Variants in MKLN1 observed in about 807,000 individuals in gnomAD.
MKLN1 encodes muskelin 1.
A neutral mutation model predicts 99.0 loss-of-function variants in MKLN1; 18 were observed. That is an observed-to-expected ratio of 0.18 (90% confidence interval 0.13 to 0.27). The LOEUF (loss-of-function observed/expected upper bound fraction) is 0.27. Ranked by LOEUF, MKLN1 falls within the 10% of genes least tolerant of loss-of-function variation. MKLN1 has a pLI of 1.00. For synonymous variants in MKLN1, 288 were observed against 293.2 expected (o/e 0.98, Z 0.18); for missense variants, 621 against 875.9 (o/e 0.71, Z 3.67).
chr7:131,211,294 C>G (rs1796902960), intron 3 of MKLN1, among the ~76,000 whole-genome samples: 1 of 152,134 alleles, frequency 6.6e-6, no homozygotes, highest in Non-Finnish European at 1.5e-5. Flanking sequence ...TATTTTCTTC[C>G]TAAATACTTT....
At chr7:131,172,007 A>G (rs1017102823) in intron 2 of MKLN1, among the ~76,000 whole-genome samples, 1 of 152,204 alleles carries the variant, frequency 6.6e-6, no homozygotes, top group African/African-American at 2.4e-5. Context: ...GGCCAGGTGG[A>G]GAAGAGCTGT....
At chr7:131,173,780 G>A (rs1412591446) in intron 2 of MKLN1, among the ~76,000 whole-genome samples, 1 of 151,836 alleles carries the variant, frequency 6.6e-6, no homozygotes, top group African/African-American at 2.4e-5. Context: ...GCTGCTCCAC[G>A]AGGAGCAGCT....
intron 2 of MKLN1, among the ~76,000 whole-genome samples, chr7:131,156,789 C>G (rs1478710025): frequency 6.6e-6 from 1 of 152,176 alleles, no homozygotes; most frequent in Non-Finnish European, 1.5e-5. Context: ...AGTTGAGGAG[C>G]ACCTGTACAC....
At chr7:131,147,664 C>T (rs1314437510) in intron 2 of MKLN1, among the ~76,000 whole-genome samples, 2 of 152,194 alleles carry the variant, frequency 1.3e-5, no homozygotes, top group Non-Finnish European at 2.9e-5. Flanking sequence ...GACTTGCCTA[C>T]AGTCACATAG....
chr7:131,341,341 A>G (rs994943331), intron 1 of MKLN1, among the ~76,000 whole-genome samples: 4 of 152,312 alleles, frequency 2.6e-5, no homozygotes, highest in Non-Finnish European at 4.4e-5. Flanking sequence ...GCCTTTGGCT[A>G]TTATCCACTT....
intron 1 of MKLN1, among the ~76,000 whole-genome samples, chr7:131,124,014 G>T (rs1287089677): frequency 1.3e-5 from 2 of 152,138 alleles, no homozygotes; most frequent in Non-Finnish European, 2.9e-5. Context: ...GTTTAAATCT[G>T]AGCTCTTTTG....
chr7:131,485,110 A>G (rs1797236956), intron 17 of MKLN1, among the ~76,000 whole-genome samples: 1 of 152,086 alleles, frequency 6.6e-6, no homozygotes, highest in African/African-American at 2.4e-5. Flanking sequence ...AGAGCTGTGT[A>G]AAGATGAATT....
At position 131,251,366 on chromosome 7, in the gene MKLN1, G is replaced by A. The variant is rs898930918; in HGVS notation, c.-179+48392G>A. ...TTGGTTGCTGCACATAAGAAAGCTG[G>A]GTTGGCTTTGGCCGGTTGCTCTCAA... On this transcript the variant is annotated intron_variant, in intron 3 of 7. Transcript: ENST00000416992. Among the ~76,000 whole-genome samples, 4 of 152,272 alleles carry A rather than the reference G, an allele frequency of 2.6e-5. No homozygotes were observed. The South Asian group carries it at 8.3e-4, about 32-fold the overall frequency.
intron 1 of MKLN1, among the ~76,000 whole-genome samples, chr7:131,358,545 G>C (rs1179009645): frequency 1.3e-5 from 2 of 152,120 alleles, no homozygotes; most frequent in African/African-American, 4.8e-5. Context: ...TGGTCTCGTA[G>C]AAAGCATTAG....
At chr7:131,484,221 A>G (rs1797208859) in intron 17 of MKLN1, among the ~76,000 whole-genome samples, 1 of 152,202 alleles carries the variant, frequency 6.6e-6, no homozygotes. Flanking sequence ...AAATAAAAAT[A>G]AAAGATGTGC....
At chr7:131,462,946 A>T (rs13241862) in intron 12 of MKLN1, among the ~76,000 whole-genome samples, 2,054 of 152,190 alleles carry the variant, frequency 0.013, 21 homozygotes, top group South Asian at 0.024. Context: ...ACATAGCAAG[A>T]CCCCATCTCT....
At chr7:131,354,019 T>G (rs538396221) in intron 1 of MKLN1, among the ~76,000 whole-genome samples, 2 of 152,156 alleles carry the variant, frequency 1.3e-5, no homozygotes, top group Non-Finnish European at 2.9e-5. Flanking sequence ...CTTTATTGAT[T>G]ATGCAGTTTT....
intron 4 of MKLN1, among the ~76,000 whole-genome samples, chr7:131,394,840 A>G (rs1485895563): frequency 6.6e-6 from 1 of 152,068 alleles, no homozygotes; most frequent in African/African-American, 2.4e-5. Flanking sequence ...ATCTGTTGTT[A>G]CATTAAAATT....
intron 4 of MKLN1, among the ~76,000 whole-genome samples, chr7:131,389,357 T>G (rs1056681023): frequency 6.6e-6 from 1 of 152,162 alleles, no homozygotes; most frequent in Admixed American, 6.5e-5. Flanking sequence ...ATGGAAGGTT[T>G]ATCACTTATA....
intron 5 of MKLN1, among the ~76,000 whole-genome samples, chr7:131,397,734 C>G (rs1794401519): frequency 6.6e-6 from 1 of 152,092 alleles, no homozygotes; most frequent in Non-Finnish European, 1.5e-5. Flanking sequence ...ACCCATTTGA[C>G]TCTGAATTTT....
chr7:131,294,584 G>A (rs1025911107), intron 3 of MKLN1, among the ~76,000 whole-genome samples: 1 of 152,194 alleles, frequency 6.6e-6, no homozygotes, highest in African/African-American at 2.4e-5. Context: ...TGCTCATTTT[G>A]TGTTGCCTGG....
chr7:131,159,896 C>T (rs927984265), intron 2 of MKLN1, among the ~76,000 whole-genome samples: 11 of 152,140 alleles, frequency 7.2e-5, no homozygotes, highest in Non-Finnish European at 1.3e-4. Context: ...TTATCATCGT[C>T]ATTGTAAAGG....
chr7:131,228,771 A>G (rs929709395), intron 3 of MKLN1, among the ~76,000 whole-genome samples: 4 of 152,166 alleles, frequency 2.6e-5, no homozygotes, highest in African/African-American at 7.2e-5. Context: ...TCCATGCTAC[A>G]TTTTCCCATC....
chr7:131,265,506 G>A (rs376984637), intron 3 of MKLN1, among the ~76,000 whole-genome samples: 1 of 151,872 alleles, frequency 6.6e-6, no homozygotes, highest in Non-Finnish European at 1.5e-5. Flanking sequence ...CTGATTCCCC[G>A]ATGCCTACCA....
Sources: gnomAD v4.1 joint callset for allele counts (sites outside exome capture counted in the v4.1 genomes callset) on GRCh38, gnomAD v4.1.1 for gene constraint, MANE v1.5 for transcripts, NCBI Gene and HGNC (gene_info 2026-07-23, HGNC 2026-07-21) for gene names.